Variants in DPP10 observed in about 807,000 individuals in gnomAD.
The protein encoded by DPP10 is inactive dipeptidyl peptidase 10.
In DPP10, 33 loss-of-function variants were observed where a neutral mutation model predicts 120.9. That is an observed-to-expected ratio of 0.27 (90% CI 0.21 to 0.37). DPP10 has a LOEUF of 0.37. Ranked by LOEUF, DPP10 falls within the 10% of genes least tolerant of loss-of-function variation. The probability of loss-of-function intolerance (pLI) is 1.00; values close to 1 mark genes in which losing one functional copy is unlikely to be tolerated. For missense variants in DPP10, 816 were observed against 942.8 expected, an observed-to-expected ratio of 0.87 and a Z score of 1.76; for synonymous variants, 337 against 326.1, an observed-to-expected ratio of 1.03 and a Z score of -0.36.
Position 115,829,306 on chromosome 2 carries a change from T to G in DPP10, c.1951-6851T>G, listed in dbSNP as rs540871245. Among the ~76,000 whole-genome samples the G allele has an allele frequency of 3.9e-5, 6 of 152,326 alleles. No homozygotes were observed. The South Asian group carries it at 1.2e-3, about 32-fold the overall frequency. On this transcript the variant is annotated intron_variant, in intron 21 of 25. Coordinates refer to ENST00000410059, the MANE Select transcript of DPP10 (RefSeq NM_020868.6). ...CGTTGGTTGACTAAATCAACATCATTAACAGTGATACCAACTAAGAATTAA... is the reference window on the plus strand; with the variant it reads ...CGTTGGTTGACTAAATCAACATCATGAACAGTGATACCAACTAAGAATTAA...
intron 5 of DPP10, among the ~76,000 whole-genome samples, chr2:115,640,237 G>C (rs1349637078): frequency 2.0e-5 from 3 of 151,960 alleles, no homozygotes; most frequent in African/African-American, 7.3e-5. Flanking sequence ...GAAAAGTCCT[G>C]GAGGCCAACA....
At chr2:114,569,259 A>G (rs1410279601) in intron 1 of DPP10, among the ~76,000 whole-genome samples, 1 of 152,176 alleles carries the variant, frequency 6.6e-6, no homozygotes, top group Non-Finnish European at 1.5e-5. Context: ...CTGGTAAGGG[A>G]CAAATCCTGC....
intron 1 of DPP10, among the ~76,000 whole-genome samples, chr2:114,926,850 ATT>A (rs11450459): frequency 2.9e-5 from 4 of 136,542 alleles, no homozygotes; most frequent in African/African-American, 5.5e-5. Flanking sequence ...GGAAGATACA[ATT>A]TTTTTTTTTT....
chr2:114,742,704 AC>A (rs1678183505), intron 1 of DPP10, among the ~76,000 whole-genome samples: 1 of 152,262 alleles, frequency 6.6e-6, no homozygotes, highest in African/African-American at 2.4e-5. Flanking sequence ...TTTGAAAGAA[AC>A]AATACTGGTG....
chr2:114,986,138 A>T (rs1041399800), intron 1 of DPP10, among the ~76,000 whole-genome samples: 3 of 152,248 alleles, frequency 2.0e-5, no homozygotes, highest in African/African-American at 7.2e-5. Context: ...TTAAAAGTGA[A>T]CATGTCTTTT....
chr2:115,336,272 G>A (rs1180329956), intron 2 of DPP10, among the ~76,000 whole-genome samples: 1 of 151,916 alleles, frequency 6.6e-6, no homozygotes, highest in Non-Finnish European at 1.5e-5. Flanking sequence ...ACCAAATAGA[G>A]CACAGAAAAG....
intron 12 of DPP10, among the ~76,000 whole-genome samples, chr2:115,763,127 G>A (rs1177455068): frequency 6.6e-6 from 1 of 152,112 alleles, no homozygotes; most frequent in African/African-American, 2.4e-5. Context: ...AATTCAGAAG[G>A]AAACAACACA....
chr2:114,499,805 C>T (rs947126880), intron 1 of DPP10, among the ~76,000 whole-genome samples: 1 of 152,160 alleles, frequency 6.6e-6, no homozygotes, highest in African/African-American at 2.4e-5. Context: ...AAAGCTTCAT[C>T]CTGTAGATTG....
intron 1 of DPP10, among the ~76,000 whole-genome samples, chr2:115,104,728 C>A (rs1427621062): frequency 2.0e-5 from 3 of 152,274 alleles, no homozygotes; most frequent in East Asian, 3.9e-4. Context: ...TCTGTTTTGG[C>A]CAGGCGCGGT....
At chr2:114,457,457 G>C (rs965528770) in intron 1 of DPP10, among the ~76,000 whole-genome samples, 1 of 152,158 alleles carries the variant, frequency 6.6e-6, no homozygotes, top group African/African-American at 2.4e-5. Flanking sequence ...GAAACTCCGG[G>C]ACTAGGAGTA....
chr2:115,744,473 G>T (rs925591514), intron 9 of DPP10, among the ~76,000 whole-genome samples: 1 of 150,372 alleles, frequency 6.7e-6, no homozygotes, highest in Non-Finnish European at 1.5e-5. Context: ...GTAATGAAAA[G>T]ATTTGCAAAT....
At chr2:115,380,786 G>C (rs1329760193) in intron 3 of DPP10, among the ~76,000 whole-genome samples, 1 of 152,082 alleles carries the variant, frequency 6.6e-6, no homozygotes, top group Non-Finnish European at 1.5e-5. Flanking sequence ...TGTCCGCAAA[G>C]TATTTTATTT....
intron 5 of DPP10, among the ~76,000 whole-genome samples, chr2:115,563,375 G>A (rs939507970): frequency 5.9e-5 from 9 of 152,074 alleles, no homozygotes; most frequent in African/African-American, 2.2e-4. Context: ...TATCTCTTAA[G>A]GAAATGATAT....
intron 1 of DPP10, among the ~76,000 whole-genome samples, chr2:114,623,861 A>T (rs1009744246): frequency 6.6e-6 from 1 of 152,064 alleles, no homozygotes; most frequent in Non-Finnish European, 1.5e-5. Context: ...ATCCAATTCA[A>T]CAGTTACTGA....
intron 1 of DPP10, among the ~76,000 whole-genome samples, chr2:115,238,016 A>G (rs1454429140): frequency 1.3e-5 from 2 of 152,192 alleles, no homozygotes; most frequent in East Asian, 1.9e-4. Context: ...GCCACACTAG[A>G]CAACAAATTT....
intron 1 of DPP10, among the ~76,000 whole-genome samples, chr2:115,047,097 T>C (rs1705124198): frequency 7.4e-6 from 1 of 134,650 alleles, no homozygotes; most frequent in Non-Finnish European, 1.7e-5. Context: ...GAATTAATGA[T>C]TTTAACAGAA....
intron 1 of DPP10, among the ~76,000 whole-genome samples, chr2:114,610,920 C>T (rs190448932): frequency 7.1e-4 from 108 of 152,166 alleles, no homozygotes; most frequent in Middle Eastern, 3.4e-3. Context: ...CCCCTTCTCC[C>T]ACGCACCCAG....
chr2:115,161,813 T>TCCCCCCCCCCCCGCGCCCCCCCC, intron 1 of DPP10: 2 of 744,540 alleles, frequency 2.7e-6, no homozygotes, highest in Non-Finnish European at 3.8e-6. Flanking sequence ...CTTCTTCCCC[T>TCCCCCCCCCCCCGCGCCCCCCCC]CCCCGCCCCT....
intron 1 of DPP10, among the ~76,000 whole-genome samples, chr2:115,292,218 C>G (rs1335891182): frequency 6.6e-6 from 1 of 152,078 alleles, no homozygotes; most frequent in African/African-American, 2.4e-5. Context: ...TCAGTAACAT[C>G]CTTATAGTAG....
Sources: gnomAD v4.1 joint callset for allele counts (sites outside exome capture counted in the v4.1 genomes callset) on GRCh38, gnomAD v4.1.1 for gene constraint, MANE v1.5 for transcripts, NCBI Gene and HGNC (gene_info 2026-07-23, HGNC 2026-07-21) for gene names.